PARD3B: variants seen among roughly 807,000 people sequenced by gnomAD.
The protein encoded by PARD3B is par-3 family cell polarity regulator beta.
A neutral mutation model predicts 130.2 loss-of-function variants in PARD3B; 103 were observed. The observed-to-expected ratio is 0.79, with a 90% confidence interval of 0.67 to 0.93. The LOEUF is 0.93. Among genes scored for constraint, PARD3B ranks in the 40% least tolerant of loss-of-function variants. The pLI, the probability that PARD3B is intolerant of heterozygous loss-of-function variation, is 0.00. For missense variants in PARD3B, 1,609 were observed against 1,499.2 expected, an observed-to-expected ratio of 1.07 and a Z score of -1.21; for synonymous variants, 583 against 553.2, an observed-to-expected ratio of 1.05 and a Z score of -0.76.
intron 22 of PARD3B, among the ~76,000 whole-genome samples, chr2:205,603,148 A>G (rs574328205): frequency 1.3e-5 from 2 of 152,228 alleles, no homozygotes; most frequent in East Asian, 3.9e-4. Flanking sequence ...AGGTTGTTCA[A>G]TTTCCATGCA....
At chr2:204,840,084 CTTATACAAT>C (rs1321679579) in intron 2 of PARD3B, among the ~76,000 whole-genome samples, 2 of 152,250 alleles carry the variant, frequency 1.3e-5, no homozygotes, top group African/African-American at 2.4e-5. Context: ...TACGTCAAAA[CTTATACAAT>C]TTATACAATT....
At chr2:205,026,461 T>C (rs1394510366) in intron 3 of PARD3B, among the ~76,000 whole-genome samples, 2 of 152,242 alleles carry the variant, frequency 1.3e-5, no homozygotes, top group Non-Finnish European at 2.9e-5. Context: ...TGTGCATGCA[T>C]TGTGTACTTA....
chr2:204,939,860 T>C (rs959755058), intron 2 of PARD3B, among the ~76,000 whole-genome samples: 2 of 152,228 alleles, frequency 1.3e-5, no homozygotes, highest in Non-Finnish European at 2.9e-5. Flanking sequence ...CACACCATTA[T>C]TTCTCAATCA....
At chr2:205,427,006 C>T (rs1448823520) in intron 19 of PARD3B, among the ~76,000 whole-genome samples, 1 of 151,954 alleles carries the variant, frequency 6.6e-6, no homozygotes, top group African/African-American at 2.4e-5. Flanking sequence ...GGCCCTTAAG[C>T]ATATGAAAAG....
intron 16 of PARD3B, among the ~76,000 whole-genome samples, chr2:205,295,613 C>T (rs2160453): frequency 0.83 from 126,575 of 152,154 alleles, 52,910 homozygotes; most frequent in South Asian, 0.9. Flanking sequence ...TTCCCTAAGA[C>T]AATTTCTCAT....
At position 205,184,698 on chromosome 2, in the gene PARD3B, T is replaced by C. The variant is rs374507941; in HGVS notation, c.1925-1066T>C. Among the ~76,000 whole-genome samples, 11 of 152,040 alleles carry C rather than the reference T, an allele frequency of 7.2e-5. No homozygotes were observed. The South Asian group carries it at 2.3e-3, about 32-fold the overall frequency. ...CAGAGCTTGCAGTGAGCCAAGATCG[T>C]GCCACTGCACTCCAGCCTGGGTGGC... On this transcript the variant is annotated intron_variant, in intron 13 of 22. Transcript: ENST00000406610.
chr2:205,290,614 CA>C (rs1379318966), intron 16 of PARD3B, among the ~76,000 whole-genome samples: 1 of 152,090 alleles, frequency 6.6e-6, no homozygotes, highest in Non-Finnish European at 1.5e-5. Context: ...ATAGAGAATA[CA>C]AAATTATTGT....
At chr2:204,837,845 G>GT (rs1445109602) in intron 2 of PARD3B, among the ~76,000 whole-genome samples, 1 of 152,122 alleles carries the variant, frequency 6.6e-6, no homozygotes, top group Non-Finnish European at 1.5e-5. Context: ...TTTGCTCTAT[G>GT]AGATAACCCA....
intron 1 of PARD3B, among the ~76,000 whole-genome samples, chr2:204,597,182 A>G (rs1046132465): frequency 5.9e-5 from 9 of 151,486 alleles, no homozygotes; most frequent in Non-Finnish European, 1.2e-4. Flanking sequence ...TTTGTATTCC[A>G]TTGTTCTGTG....
At chr2:204,866,640 T>C (rs915135344) in intron 2 of PARD3B, among the ~76,000 whole-genome samples, 1 of 151,852 alleles carries the variant, frequency 6.6e-6, no homozygotes, top group African/African-American at 2.4e-5. Context: ...CTCTGATGAG[T>C]TGTGTATGTG....
chr2:205,185,641 A>G (rs1378607601), intron 13 of PARD3B, 123 bp from the exon 14 acceptor site: 4 of 703,116 alleles, frequency 5.7e-6, no homozygotes, highest in Non-Finnish European at 1.0e-5. Context: ...ATGAGAACTT[A>G]TTTATTTCAG....
intron 2 of PARD3B, among the ~76,000 whole-genome samples, chr2:204,828,349 A>G (rs1263740116): frequency 1.3e-5 from 2 of 152,050 alleles, no homozygotes; most frequent in African/African-American, 2.4e-5. Context: ...CCTGAGGCTC[A>G]GTTTTTGCCC....
At chr2:205,086,148 C>T (rs978362296) in intron 4 of PARD3B, among the ~76,000 whole-genome samples, 1 of 152,206 alleles carries the variant, frequency 6.6e-6, no homozygotes, top group African/African-American at 2.4e-5. Context: ...TGAAGGAGAG[C>T]TGGCTTAATT....
intron 18 of PARD3B, among the ~76,000 whole-genome samples, chr2:205,359,942 G>A (rs959301951): frequency 2.6e-5 from 4 of 152,058 alleles, no homozygotes; most frequent in Non-Finnish European, 5.9e-5. Flanking sequence ...AGCTAAAATA[G>A]GATAAATGCA....
At position 205,575,114 on chromosome 2, in the gene PARD3B, C is replaced by CACACACGT. The variant is rs1553550391; in HGVS notation, c.3260+21711_3260+21712insACACACGT. 1.6e-5 allele frequency among the ~76,000 whole-genome samples: 1 copy of CACACACGT among 62,956 alleles called. No homozygotes were observed. The highest frequency in any genetic ancestry group is 3.8e-5 in the African/African-American group (1 of 26,060). The allele number at this position is 62,956 out of a possible 152,430, so 41.3% of individuals were successfully genotyped here. A position where few individuals can be genotyped will look rare whatever the true frequency, so the allele number is the denominator to read the frequency against. ...ACACACACACACACACACACACACACGCGTACACTATATATAAAAATATAT... is the reference window on the plus strand; with the variant it reads ...ACACACACACACACACACACACACACACACACGTGCGTACACTATATATAAAAATATAT... On this transcript the variant is annotated intron_variant, in intron 22 of 22. Transcript: ENST00000406610. This position sits in a 1 kb window ranked among gnomAD's most constrained non-coding sequence, Gnocchi z 4.6.
At chr2:205,044,278 G>A (rs1247892534) in intron 3 of PARD3B, among the ~76,000 whole-genome samples, 1 of 147,676 alleles carries the variant, frequency 6.8e-6, no homozygotes, top group Non-Finnish European at 1.5e-5. Context: ...GTGTGCATGT[G>A]TCTTTATAGC....
chr2:205,065,832 A>G (rs1054813978), intron 4 of PARD3B, among the ~76,000 whole-genome samples: 2 of 152,070 alleles, frequency 1.3e-5, no homozygotes, highest in Non-Finnish European at 2.9e-5. Context: ...GGCCATGCCC[A>G]TGAACTTTGC....
At position 205,156,217 on chromosome 2, in the gene PARD3B, A is replaced by T. The variant is rs547906135; in HGVS notation, c.1435-2505A>T. Among the ~76,000 whole-genome samples, 1,196 of 141,380 alleles carry T rather than the reference A, an allele frequency of 8.5e-3. 22 individuals are homozygous for T. The highest frequency in any genetic ancestry group is 0.027 in the African/African-American group (1,053 of 38,334). 92.8% of individuals were successfully genotyped at this position (141,380 alleles called of 152,430 possible). ...CATAGGTGGGAATTGAACAATGAGA[A>T]CACATGGACACAGGAAGGGGAACAT... On this transcript the variant is annotated intron_variant, in intron 10 of 22. Coordinates refer to ENST00000406610, the MANE Select transcript of PARD3B (RefSeq NM_001302769.2).
chr2:205,537,273 TCTC>T (rs2051904986), intron 21 of PARD3B, among the ~76,000 whole-genome samples: 1 of 152,190 alleles, frequency 6.6e-6, no homozygotes, highest in Admixed American at 6.5e-5. Flanking sequence ...TAAACATTCT[TCTC>T]CTTAAAGATG....
Sources: gnomAD v4.1 joint callset for allele counts (sites outside exome capture counted in the v4.1 genomes callset) on GRCh38, gnomAD v4.1.1 for gene constraint, Gnocchi (gnomAD v3.1) non-coding constraint, MANE v1.5 for transcripts, NCBI Gene and HGNC (gene_info 2026-07-23, HGNC 2026-07-21) for gene names.